Variants in PLCB1 observed in about 807,000 individuals in gnomAD.
PLCB1 encodes 1-phosphatidylinositol 4,5-bisphosphate phosphodiesterase beta-1.
PLCB1 carries 46 observed loss-of-function variants against 161.8 expected under a neutral mutation model. The observed-to-expected ratio is 0.28, with a 90% CI of 0.22 to 0.36. The LOEUF is 0.36. Among genes scored for constraint, PLCB1 ranks in the 10% least tolerant of loss-of-function variants. PLCB1 has a pLI of 1.00. For synonymous variants in PLCB1, 517 were observed against 503.7 expected (o/e 1.03, Z -0.35); for missense variants, 1,016 against 1,472.5 (o/e 0.69, Z 5.07).
intron 2 of PLCB1, among the ~76,000 whole-genome samples, chr20:8,170,109 C>T (rs563908351): frequency 6.6e-6 from 1 of 152,222 alleles, no homozygotes; most frequent in South Asian, 2.1e-4. Flanking sequence ...TCCCTGTGTA[C>T]CCATCTTAGA....
At chr20:8,585,125 T>C (rs1329447958) in intron 3 of PLCB1, among the ~76,000 whole-genome samples, 1 of 152,206 alleles carries the variant, frequency 6.6e-6, no homozygotes, top group African/African-American at 2.4e-5. Context: ...ATTGTGATCC[T>C]TGGAGCTTCG....
At chr20:8,269,952 G>C (rs965950099) in intron 2 of PLCB1, among the ~76,000 whole-genome samples, 4 of 151,898 alleles carry the variant, frequency 2.6e-5, no homozygotes, top group African/African-American at 9.7e-5. Context: ...ACAATTTGGG[G>C]GTATTATAAT....
chr20:8,165,049 A>C (rs149193260), intron 2 of PLCB1, among the ~76,000 whole-genome samples: 2 of 152,244 alleles, frequency 1.3e-5, no homozygotes, highest in East Asian at 3.9e-4. Context: ...AGAATGTGTT[A>C]ACTCTGTCAG....
chr20:8,668,109 A>G (rs1294724369), intron 9 of PLCB1, among the ~76,000 whole-genome samples: 1 of 152,054 alleles, frequency 6.6e-6, no homozygotes, highest in African/African-American at 2.4e-5. Flanking sequence ...ATGTGATACA[A>G]CAGATAAGTG....
intron 9 of PLCB1, among the ~76,000 whole-genome samples, chr20:8,683,960 T>G (rs1173634952): frequency 6.6e-6 from 1 of 151,810 alleles, no homozygotes; most frequent in East Asian, 1.9e-4. Context: ...CTCAGCTCAC[T>G]GCAAACTCCA....
intron 3 of PLCB1, among the ~76,000 whole-genome samples, chr20:8,419,950 C>A (rs1288487115): frequency 2.0e-5 from 3 of 152,134 alleles, no homozygotes; most frequent in African/African-American, 4.8e-5. Context: ...TCTATAGCAG[C>A]AGCAGTTTGT....
intron 3 of PLCB1, among the ~76,000 whole-genome samples, chr20:8,613,750 A>G (rs1472380894): frequency 6.6e-6 from 1 of 152,156 alleles, no homozygotes; most frequent in African/African-American, 2.4e-5. Context: ...ATATAAAATG[A>G]TGAAGAGAAA....
At chr20:8,571,976 CTT>C (rs1387301742) in intron 3 of PLCB1, among the ~76,000 whole-genome samples, 20 of 152,142 alleles carry the variant, frequency 1.3e-4, no homozygotes, top group African/African-American at 4.6e-4. Flanking sequence ...CAATCTCTCT[CTT>C]GACTGGTAAT....
At chr20:8,560,617 A>T (rs1012865034) in intron 3 of PLCB1, among the ~76,000 whole-genome samples, 13 of 152,028 alleles carry the variant, frequency 8.6e-5, no homozygotes, top group African/African-American at 3.1e-4. Context: ...CAAAGGTAAC[A>T]TACAATGAGT....
chr20:8,509,669 ATAGG>A (rs1308002242), intron 3 of PLCB1, among the ~76,000 whole-genome samples: 2 of 152,126 alleles, frequency 1.3e-5, no homozygotes, highest in Non-Finnish European at 2.9e-5. Flanking sequence ...GATTAGATAG[ATAGG>A]TAGATAGATG....
At chr20:8,298,318 G>T (rs1175662011) in intron 2 of PLCB1, among the ~76,000 whole-genome samples, 1 of 147,974 alleles carries the variant, frequency 6.8e-6, no homozygotes. Context: ...AAAGATGCAA[G>T]AACTTGAATC....
chr20:8,584,257 G>A (rs1227009352), intron 3 of PLCB1, among the ~76,000 whole-genome samples: 1 of 151,988 alleles, frequency 6.6e-6, no homozygotes, highest in Non-Finnish European at 1.5e-5. Flanking sequence ...CCAAGGTATG[G>A]TGCCTCACAC....
At chr20:8,291,766 T>TA (rs1398910174) in intron 2 of PLCB1, among the ~76,000 whole-genome samples, 1 of 152,184 alleles carries the variant, frequency 6.6e-6, no homozygotes, top group Admixed American at 6.5e-5. Flanking sequence ...GTACTGTCTT[T>TA]ATTCCCATTT....
intron 2 of PLCB1, among the ~76,000 whole-genome samples, chr20:8,241,670 C>T (rs1452033077): frequency 6.6e-6 from 1 of 151,762 alleles, no homozygotes; most frequent in Non-Finnish European, 1.5e-5. Flanking sequence ...TGTTTGATTT[C>T]CGTATCAGGA....
chr20:8,179,842 A>AG (rs1297514016), intron 2 of PLCB1, among the ~76,000 whole-genome samples: 2 of 90,914 alleles, frequency 2.2e-5, no homozygotes, highest in African/African-American at 8.2e-5. Context: ...TAGTTTGTTG[A>AG]GGGCTTTTTT....
At chr20:8,439,356 A>G (rs1481855687) in intron 3 of PLCB1, among the ~76,000 whole-genome samples, 2 of 152,222 alleles carry the variant, frequency 1.3e-5, no homozygotes, top group African/African-American at 2.4e-5. Context: ...TACCTAAAAA[A>G]GAAACCTCTT....
chr20:8,323,267 A>G (rs1355356040), intron 2 of PLCB1, among the ~76,000 whole-genome samples: 1 of 152,190 alleles, frequency 6.6e-6, no homozygotes, highest in Non-Finnish European at 1.5e-5. Flanking sequence ...CAATGTTCCA[A>G]TTATCAATTG....
At chr20:8,332,779 T>C (rs1985415165) in intron 2 of PLCB1, among the ~76,000 whole-genome samples, 1 of 152,222 alleles carries the variant, frequency 6.6e-6, no homozygotes, top group African/African-American at 2.4e-5. Flanking sequence ...TTATGGAGTC[T>C]AGCCCTAGGA....
In PLCB1 at chr20:8,204,587, C is replaced by T. The variant is rs1600232803; in HGVS notation, c.177+54216C>T. On this transcript the variant is annotated intron_variant, in intron 2 of 31. Coordinates refer to ENST00000338037, the MANE Select transcript of PLCB1 (RefSeq NM_015192.4). ...CACCTCCTTCCACCCAACCTTGCTC[C>T]CACCATGTGAGATGCTGGCTTCCCC... 2.0e-5 allele frequency among the ~76,000 whole-genome samples: 3 copies of T among 151,952 alleles called. No homozygotes were observed. In the South Asian group the frequency reaches 6.2e-4, roughly 32 times the overall value.
Sources: gnomAD v4.1 joint callset for allele counts (sites outside exome capture counted in the v4.1 genomes callset) on GRCh38, gnomAD v4.1.1 for gene constraint, MANE v1.5 for transcripts, NCBI Gene and HGNC (gene_info 2026-07-23, HGNC 2026-07-21) for gene names.